Variants in CALD1 observed in about 807,000 individuals in gnomAD.
CALD1 encodes caldesmon.
In CALD1, 33 loss-of-function variants were observed where a neutral mutation model predicts 99.9. That is an observed-to-expected ratio of 0.33 (90% CI 0.25 to 0.44). The LOEUF (loss-of-function observed/expected upper bound fraction) is 0.44, where lower values mean the gene tolerates loss of function less well. CALD1 is among the 20% of genes least tolerant of loss of function. The probability of loss-of-function intolerance (pLI) is 1.00; values close to 1 mark genes in which losing one functional copy is unlikely to be tolerated. For synonymous variants in CALD1, 310 were observed against 325.0 expected (o/e 0.95, Z 0.50); for missense variants, 861 against 962.1 (o/e 0.89, Z 1.39).
intron 1 of CALD1, among the ~76,000 whole-genome samples, chr7:134,786,453 T>C (rs770890347): frequency 1.3e-5 from 2 of 152,168 alleles, no homozygotes; most frequent in Non-Finnish European, 2.9e-5. Flanking sequence ...AGAAATTCTT[T>C]TTAAAATATG....
At chr7:134,915,702 G>A (rs1421321756) in intron 3 of CALD1, among the ~76,000 whole-genome samples, 1 of 152,198 alleles carries the variant, frequency 6.6e-6, no homozygotes, top group African/African-American at 2.4e-5. Context: ...AAATGTGGGT[G>A]CTTAGTTATT....
intron 9 of CALD1, among the ~76,000 whole-genome samples, chr7:134,953,165 T>A (rs1036975505): frequency 1.3e-5 from 2 of 152,200 alleles, no homozygotes; most frequent in African/African-American, 4.8e-5. Context: ...GATTTTTTTT[T>A]AACCGTTTAA....
Position 134,934,024 on chromosome 7 carries a change from A to G in CALD1, c.1255A>G (p.Asn419Asp). 6.2e-7 allele frequency: 1 copy of G among 1,613,244 alleles called. No individual in the cohort carries two copies. The change falls in exon 5 of 15, where the codon AAT becomes GAT. Residue 419 changes from asparagine (N) to aspartate (D), a missense_variant. Transcript: ENST00000361675. ...ACAGAAAATAGAAGGGAAATGGGTA[A>G]ATGAAAAGAAAGCACAAGAAGATAA... ...VEQKIEGKWV[N>D]EKKAQEDKLQ...
At chr7:134,874,946 C>A (rs150783685) in intron 3 of CALD1, among the ~76,000 whole-genome samples, 1 of 152,192 alleles carries the variant, frequency 6.6e-6, no homozygotes, top group African/African-American at 2.4e-5. Context: ...CCCTCACACA[C>A]GCAAACCCAA....
At chr7:134,711,808 C>T in the CALD1 span, among the ~76,000 whole-genome samples, 1 of 150,378 alleles carries the variant, frequency 6.6e-6, no homozygotes, top group Admixed American at 6.7e-5. Context: ...CTAATACAGG[C>T]TGTTATGTAA....
intron 3 of CALD1, 127 bp from the exon 4 acceptor site, chr7:134,928,627 C>G: frequency 3.8e-6 from 3 of 797,344 alleles, no homozygotes; most frequent in Non-Finnish European, 5.7e-6. Flanking sequence ...CTGAACCATC[C>G]TTTTAGACGT....
chr7:134,921,173 T>C (rs1334635583), intron 3 of CALD1, among the ~76,000 whole-genome samples: 2 of 152,250 alleles, frequency 1.3e-5, no homozygotes, highest in African/African-American at 4.8e-5. Context: ...GTATTTTCTG[T>C]AGTCTGATGA....
chr7:134,926,677 C>T (rs28660380), intron 3 of CALD1, among the ~76,000 whole-genome samples: 1,994 of 152,230 alleles, frequency 0.013, 54 homozygotes, highest in African/African-American at 0.044. Context: ...TAACTTACAA[C>T]TCTAACATGA....
chr7:134,884,503 A>C (rs115829535), intron 3 of CALD1, among the ~76,000 whole-genome samples: 1,863 of 152,064 alleles, frequency 0.012, 34 homozygotes, highest in African/African-American at 0.042. Context: ...GAGAGCATTT[A>C]TTCTATCTTA....
At chr7:134,723,836 C>A in the CALD1 span, among the ~76,000 whole-genome samples, 1 of 152,034 alleles carries the variant, frequency 6.6e-6, no homozygotes, top group Non-Finnish European at 1.5e-5. Flanking sequence ...TTAGAGGTAG[C>A]CAGTTGGACA....
chr7:134,878,476 G>A (rs1801450460), intron 3 of CALD1, among the ~76,000 whole-genome samples: 1 of 152,166 alleles, frequency 6.6e-6, no homozygotes, highest in African/African-American at 2.4e-5. Context: ...GGCTGAGGCA[G>A]GAGAATCACT....
At chr7:134,746,889 T>C (rs1221303355) in intron 1 of CALD1, among the ~76,000 whole-genome samples, 3 of 152,246 alleles carry the variant, frequency 2.0e-5, no homozygotes, top group Non-Finnish European at 2.9e-5. Context: ...ATTAAATATT[T>C]AGCTGAAACT....
chr7:134,737,982 G>GT, the CALD1 span, among the ~76,000 whole-genome samples: 4 of 152,114 alleles, frequency 2.6e-5, no homozygotes, highest in Admixed American at 2.0e-4. Context: ...TTTGAAAGAT[G>GT]TTTTTTTCCA....
chr7:134,918,246 C>T (rs997068828), intron 3 of CALD1, among the ~76,000 whole-genome samples: 3 of 152,116 alleles, frequency 2.0e-5, no homozygotes, highest in Admixed American at 6.5e-5. Context: ...TACTGAATAT[C>T]ACAAACCATT....
At chr7:134,965,550 G>A (rs866313905) in intron 14 of CALD1, 164 bp downstream of exon 14, 17 of 536,936 alleles carry the variant, frequency 3.2e-5, no homozygotes, top group Admixed American at 2.9e-4. Flanking sequence ...AATGAAAAGC[G>A]CATTGCAAGT....
intron 1 of CALD1, among the ~76,000 whole-genome samples, chr7:134,758,945 T>A (rs1796753893): frequency 6.6e-6 from 1 of 152,212 alleles, no homozygotes; most frequent in South Asian, 2.1e-4. Context: ...CACATGGCAA[T>A]TCTCCAAATC....
At chr7:134,918,368 T>C (rs1192432537) in intron 3 of CALD1, among the ~76,000 whole-genome samples, 5 of 152,224 alleles carry the variant, frequency 3.3e-5, no homozygotes, top group Admixed American at 2.6e-4. Context: ...CATCTGTTGT[T>C]ATAAACTACA....
At chr7:134,727,720 A>C in the CALD1 span, among the ~76,000 whole-genome samples, 1 of 152,268 alleles carries the variant, frequency 6.6e-6, no homozygotes, top group South Asian at 2.1e-4. Context: ...TTTTTTGGGA[A>C]AACTGGCCTG....
the CALD1 span, among the ~76,000 whole-genome samples, chr7:134,730,512 T>G: frequency 6.6e-6 from 1 of 152,158 alleles, no homozygotes; most frequent in Non-Finnish European, 1.5e-5. Flanking sequence ...CACACTGTGG[T>G]GCAAGCTCCT....
Sources: gnomAD v4.1 joint callset for allele counts (sites outside exome capture counted in the v4.1 genomes callset) on GRCh38, gnomAD v4.1.1 for gene constraint, MANE v1.5 for transcripts, NCBI Gene and HGNC (gene_info 2026-07-23, HGNC 2026-07-21) for gene names.